NRXN1: variants seen among roughly 807,000 people sequenced by gnomAD.
NRXN1 encodes the protein neurexin-1.
NRXN1 carries 39 observed loss-of-function variants against 150.9 expected under a neutral mutation model. The ratio of observed to expected loss-of-function variants is 0.26; its 90% CI spans 0.20 to 0.34. The LOEUF is 0.34. NRXN1 is among the 10% of genes least tolerant of loss of function. The pLI, the probability that NRXN1 is intolerant of heterozygous loss-of-function variation, is 1.00. For missense variants in NRXN1, 1,815 were observed against 1,949.9 expected (o/e 0.93, Z 1.30); for synonymous variants, 924 against 757.0 (o/e 1.22, Z -3.62).
intron 17 of NRXN1, among the ~76,000 whole-genome samples, chr2:50,382,699 C>T (rs186791169): frequency 6.6e-5 from 10 of 152,250 alleles, no homozygotes; most frequent in Admixed American, 2.0e-4. Flanking sequence ...CAGCTGTATA[C>T]GTATCATCTG....
At chr2:50,201,489 T>C (rs970797912) in intron 18 of NRXN1, among the ~76,000 whole-genome samples, 1 of 152,186 alleles carries the variant, frequency 6.6e-6, no homozygotes, top group Non-Finnish European at 1.5e-5. Context: ...TAAATCTACG[T>C]AACATGAGGG....
At chr2:50,192,348 A>G (rs1482610696) in intron 18 of NRXN1, among the ~76,000 whole-genome samples, 2 of 152,180 alleles carry the variant, frequency 1.3e-5, no homozygotes, top group African/African-American at 4.8e-5. Context: ...ACTTTGCTGT[A>G]ATTACAATAC....
chr2:50,284,456 A>T (rs2071853567), intron 17 of NRXN1, among the ~76,000 whole-genome samples: 1 of 152,184 alleles, frequency 6.6e-6, no homozygotes, highest in African/African-American at 2.4e-5. Flanking sequence ...TATGACACTT[A>T]GGATGGTTTT....
chr2:50,300,592 G>A (rs563801978), intron 17 of NRXN1, among the ~76,000 whole-genome samples: 1 of 152,336 alleles, frequency 6.6e-6, no homozygotes, highest in African/African-American at 2.4e-5. Context: ...GTGTGACCAT[G>A]TGACTAACTC....
At chr2:50,120,986 T>A (rs776453593) in intron 18 of NRXN1, among the ~76,000 whole-genome samples, 1 of 152,222 alleles carries the variant, frequency 6.6e-6, no homozygotes, top group Admixed American at 6.5e-5. Flanking sequence ...ACTTACAATA[T>A]GCCAGACAAT....
intron 5 of NRXN1, among the ~76,000 whole-genome samples, chr2:50,801,077 T>A (rs757536055): frequency 6.6e-6 from 1 of 152,178 alleles, no homozygotes; most frequent in Non-Finnish European, 1.5e-5. Context: ...TTTTTTCCAA[T>A]TTTTAAATTT....
chr2:50,800,297 C>T (rs1049283776), intron 5 of NRXN1, among the ~76,000 whole-genome samples: 16 of 152,134 alleles, frequency 1.1e-4, no homozygotes, highest in African/African-American at 3.6e-4. Context: ...TCACTCTTCC[C>T]GTCTCAAATC....
intron 17 of NRXN1, among the ~76,000 whole-genome samples, chr2:50,317,756 AT>A (rs1194904284): frequency 6.6e-6 from 1 of 152,034 alleles, no homozygotes; most frequent in African/African-American, 2.4e-5. Context: ...TGTTTAATTT[AT>A]AGAGTTCATA....
intron 22 of NRXN1, among the ~76,000 whole-genome samples, chr2:49,940,952 C>G (rs1272089924): frequency 6.6e-6 from 1 of 152,030 alleles, no homozygotes; most frequent in Admixed American, 6.5e-5. Context: ...GAGGGACAAA[C>G]TGAAAGAGAG....
intron 21 of NRXN1, among the ~76,000 whole-genome samples, chr2:50,005,087 T>C (rs988217248): frequency 6.6e-6 from 1 of 152,072 alleles, no homozygotes; most frequent in African/African-American, 2.4e-5. Flanking sequence ...CCACTGTCTT[T>C]CTTTTTCAGC....
rs146329139 is a variant in NRXN1, at chr2:50,233,302, T to C, written c.3546+3487A>G. Among the ~76,000 whole-genome samples the C allele has an allele frequency of 2.8e-3, 429 of 152,122 alleles. 2 individuals carry two copies. The highest frequency in any genetic ancestry group is 7.0e-3 in the Admixed American group (107 of 15,246). ...TTAACAGTGGTAGCATCAATATTAATATGACAAAAAAATCCATCTATCAAA... is the reference window on the plus strand; with the variant it reads ...TTAACAGTGGTAGCATCAATATTAACATGACAAAAAAATCCATCTATCAAA... On this transcript the variant is annotated intron_variant, in intron 18 of 22. Coordinates refer to ENST00000401669, the MANE Select transcript of NRXN1 (RefSeq NM_001330078.2).
chr2:49,951,169 G>A (rs1673883466), intron 21 of NRXN1, among the ~76,000 whole-genome samples: 1 of 151,610 alleles, frequency 6.6e-6, no homozygotes, highest in African/African-American at 2.4e-5. Context: ...ATAGGAATAT[G>A]GAAATAATGT....
At chr2:50,613,811 A>G (rs1051223913) in intron 8 of NRXN1, among the ~76,000 whole-genome samples, 4 of 151,988 alleles carry the variant, frequency 2.6e-5, no homozygotes, top group Non-Finnish European at 4.4e-5. Flanking sequence ...GGTGACGGGC[A>G]CTTGTAGTCC....
intron 2 of NRXN1, among the ~76,000 whole-genome samples, chr2:50,966,829 A>G (rs1694184488): frequency 1.3e-5 from 2 of 151,920 alleles, no homozygotes; most frequent in Middle Eastern, 3.2e-3. Flanking sequence ...ATCTGCATTA[A>G]TAAATCAAAC....
chr2:50,417,791 G>A (rs922537401), intron 17 of NRXN1, among the ~76,000 whole-genome samples: 8 of 151,810 alleles, frequency 5.3e-5, no homozygotes, highest in African/African-American at 1.9e-4. Context: ...GAAATGTACT[G>A]AAAAAGCAAC....
At chr2:50,029,158 ATG>A (rs1012980354) in intron 21 of NRXN1, among the ~76,000 whole-genome samples, 1 of 152,216 alleles carries the variant, frequency 6.6e-6, no homozygotes, top group Non-Finnish European at 1.5e-5. Flanking sequence ...CCTTTTCACC[ATG>A]TGAGAGACAA....
At chr2:50,669,663 C>T (rs549401686) in intron 5 of NRXN1, among the ~76,000 whole-genome samples, 54 of 151,510 alleles carry the variant, frequency 3.6e-4, no homozygotes, top group African/African-American at 1.1e-3. Flanking sequence ...TATTCCCATC[C>T]ATCATTAAAT....
At chr2:50,231,396 C>T (rs1175458142) in intron 18 of NRXN1, among the ~76,000 whole-genome samples, 3 of 152,014 alleles carry the variant, frequency 2.0e-5, no homozygotes, top group East Asian at 1.9e-4. Flanking sequence ...AGACTTGACA[C>T]GTCACCAATA....
intron 17 of NRXN1, among the ~76,000 whole-genome samples, chr2:50,349,846 C>T (rs922167851): frequency 2.0e-5 from 3 of 152,164 alleles, no homozygotes; most frequent in African/African-American, 4.8e-5. Flanking sequence ...TAGAACATTG[C>T]ATTGTTTTCC....
Sources: allele counts gnomAD v4.1 joint callset (sites outside exome capture counted in the v4.1 genomes callset), GRCh38; gene constraint gnomAD v4.1.1; transcripts MANE v1.5; gene names NCBI Gene and HGNC (gene_info 2026-07-23, HGNC 2026-07-21).